The following PALM2AKAP2 variants were observed in gnomAD, a reference collection of about 807,000 sequenced individuals.
The protein encoded by PALM2AKAP2 is PALM2 and AKAP2 fusion, also known as PALM2-AKAP2 fusion protein.
PALM2AKAP2 carries 37 observed loss-of-function variants against 71.5 expected under a neutral mutation model. The observed-to-expected ratio is 0.52, with a 90% CI of 0.40 to 0.68. The LOEUF (loss-of-function observed/expected upper bound fraction) is 0.68, where lower values mean the gene tolerates loss of function less well. Among genes scored for constraint, PALM2AKAP2 ranks in the 30% least tolerant of loss-of-function variants. The probability of loss-of-function intolerance (pLI) is 0.00; values close to 1 mark genes in which losing one functional copy is unlikely to be tolerated. For synonymous variants in PALM2AKAP2, 468 were observed against 478.8 expected (o/e 0.98, Z 0.29); for missense variants, 1,224 against 1,191.8 (o/e 1.03, Z -0.40).
rs1426514199 is a variant in PALM2AKAP2, at chr9:109,686,049, C to G, written c.5+45183C>G. Among the ~76,000 whole-genome samples, 4 of 152,286 alleles carry G rather than the reference C, an allele frequency of 2.6e-5. No individual in the cohort carries two copies. The East Asian group carries it at 7.7e-4, about 29-fold the overall frequency. On this transcript the variant is annotated intron_variant, in intron 1 of 6. Coordinates refer to the PALM2AKAP2 transcript ENST00000374531. ...TGTAAGAAGCAACTCTCTGTCCATT[C>G]AAGTTTGATAATGAGATTGCAGCAA...
intron 7 of PALM2AKAP2, among the ~76,000 whole-genome samples, chr9:110,036,890 C>G (rs1833420418): frequency 6.6e-6 from 1 of 152,150 alleles, no homozygotes; most frequent in African/African-American, 2.4e-5. Flanking sequence ...CTCCAGGTCT[C>G]TGCTCAAATA....
chr9:109,836,998 G>A (rs1420449350), intron 1 of PALM2AKAP2, among the ~76,000 whole-genome samples: 1 of 152,140 alleles, frequency 6.6e-6, no homozygotes, highest in African/African-American at 2.4e-5. Context: ...AGCAATGCAG[G>A]CCAACATTCA....
chr9:109,840,874 G>T (rs1437624543), intron 1 of PALM2AKAP2, among the ~76,000 whole-genome samples: 1 of 152,200 alleles, frequency 6.6e-6, no homozygotes, highest in Non-Finnish European at 1.5e-5. Flanking sequence ...GACAACAGGT[G>T]CTGGAGAGGA....
At chr9:109,729,214 G>T (rs909260518) in intron 1 of PALM2AKAP2, among the ~76,000 whole-genome samples, 4 of 152,178 alleles carry the variant, frequency 2.6e-5, no homozygotes, top group African/African-American at 9.7e-5. Flanking sequence ...CTCCGTTAAT[G>T]TGCTAGGTAC....
chr9:109,643,416 A>T (rs1050304882), intron 1 of PALM2AKAP2, among the ~76,000 whole-genome samples: 2 of 152,216 alleles, frequency 1.3e-5, no homozygotes, highest in African/African-American at 4.8e-5. Context: ...TGGATAATCT[A>T]ATATTTGATA....
chr9:109,703,555 C>A (rs1325515280), intron 1 of PALM2AKAP2, among the ~76,000 whole-genome samples: 1 of 151,832 alleles, frequency 6.6e-6, no homozygotes, highest in African/African-American at 2.4e-5. Context: ...AAAATAGCTT[C>A]TTTATTCAAT....
At chr9:109,654,884 C>T (rs1230060219) in intron 1 of PALM2AKAP2, among the ~76,000 whole-genome samples, 1 of 152,072 alleles carries the variant, frequency 6.6e-6, no homozygotes, top group Non-Finnish European at 1.5e-5. Flanking sequence ...TTTCCCCATT[C>T]AACCGTCTCT....
At chr9:109,937,143 CA>C (rs1223495461) in intron 6 of PALM2AKAP2, among the ~76,000 whole-genome samples, 2 of 151,232 alleles carry the variant, frequency 1.3e-5, no homozygotes, top group African/African-American at 4.9e-5. Context: ...TGTGTAGAGC[CA>C]GGGGGATAAG....
At chr9:110,098,780 C>T (rs1834923240) in intron 1 of PALM2AKAP2, among the ~76,000 whole-genome samples, 1 of 152,212 alleles carries the variant, frequency 6.6e-6, no homozygotes, top group African/African-American at 2.4e-5. Flanking sequence ...ACCTAAGGAC[C>T]TTGGCATTCT....
At chr9:109,892,893 G>A (rs183750756) in intron 3 of PALM2AKAP2, among the ~76,000 whole-genome samples, 1 of 152,174 alleles carries the variant, frequency 6.6e-6, no homozygotes, top group Admixed American at 6.5e-5. Flanking sequence ...ATAGGTTTTG[G>A]CTTTTATTAT....
intron 1 of PALM2AKAP2, among the ~76,000 whole-genome samples, chr9:109,859,820 T>A (rs781696914): frequency 6.6e-6 from 1 of 152,400 alleles, no homozygotes; most frequent in South Asian, 2.1e-4. Flanking sequence ...CTTGTTCTTC[T>A]GACCAAGCCT....
intron 6 of PALM2AKAP2, among the ~76,000 whole-genome samples, chr9:109,963,608 G>C (rs1297748184): frequency 6.6e-6 from 1 of 152,128 alleles, no homozygotes; most frequent in Non-Finnish European, 1.5e-5. Flanking sequence ...CTGGGCCCTG[G>C]GCTTTATAGG....
intron 1 of PALM2AKAP2, among the ~76,000 whole-genome samples, chr9:109,709,844 A>T (rs1021687768): frequency 2.0e-5 from 3 of 152,188 alleles, no homozygotes; most frequent in Non-Finnish European, 2.9e-5. Context: ...AGCGATTTGA[A>T]TGTTGGCCCC....
At chr9:109,997,003 A>G (rs747940493) in intron 6 of PALM2AKAP2, among the ~76,000 whole-genome samples, 7 of 152,162 alleles carry the variant, frequency 4.6e-5, no homozygotes, top group Non-Finnish European at 1.0e-4. Context: ...AGCCTGGCGA[A>G]CGTGGTGAGA....
intron 6 of PALM2AKAP2, chr9:109,942,736 A>G (rs758773092): frequency 1.1e-4 from 181 of 1,611,208 alleles, no homozygotes; most frequent in Non-Finnish European, 1.5e-4. Context: ...AACAGGAGAG[A>G]CCAAGATTCT....
intron 7 of PALM2AKAP2, among the ~76,000 whole-genome samples, chr9:110,036,885 G>T (rs980799533): frequency 6.6e-6 from 1 of 151,922 alleles, no homozygotes; most frequent in Non-Finnish European, 1.5e-5. Flanking sequence ...CCATTCTCCA[G>T]GTCTCTGCTC....
chr9:109,855,231 A>G (rs892361225), intron 1 of PALM2AKAP2, among the ~76,000 whole-genome samples: 3 of 151,898 alleles, frequency 2.0e-5, no homozygotes, highest in African/African-American at 7.3e-5. Context: ...TGCTACCATG[A>G]CTGGCTAATT....
At chr9:109,951,833 C>G (rs1201980719) in intron 6 of PALM2AKAP2, among the ~76,000 whole-genome samples, 2 of 152,188 alleles carry the variant, frequency 1.3e-5, no homozygotes, top group African/African-American at 4.8e-5. Flanking sequence ...AATCCAATCT[C>G]CCAACATGTC....
chr9:109,665,637 C>T (rs750313555), intron 1 of PALM2AKAP2, among the ~76,000 whole-genome samples: 111 of 152,166 alleles, frequency 7.3e-4, no homozygotes, highest in Middle Eastern at 3.2e-3. Flanking sequence ...AGTTAGGCTA[C>T]GTGGCGGTCA....
Sources: allele counts gnomAD v4.1 joint callset (sites outside exome capture counted in the v4.1 genomes callset), GRCh38; gene constraint gnomAD v4.1.1; transcripts MANE v1.5; gene names NCBI Gene and HGNC (gene_info 2026-07-23, HGNC 2026-07-21).